Variants in KCNT2 observed in about 807,000 individuals in gnomAD.
KCNT2 encodes potassium sodium-activated channel subfamily T member 2.
A neutral mutation model predicts 153.8 loss-of-function variants in KCNT2; 67 were observed. That is an observed-to-expected ratio of 0.44 (90% CI 0.36 to 0.53). The LOEUF (loss-of-function observed/expected upper bound fraction) is 0.53. Among genes scored for constraint, KCNT2 ranks in the 20% least tolerant of loss-of-function variants. The pLI, the probability that KCNT2 is intolerant of heterozygous loss-of-function variation, is 0.00. For missense variants in KCNT2, 975 were observed against 1,354.8 expected, an observed-to-expected ratio of 0.72 and a Z score of 4.40; for synonymous variants, 500 against 458.8, an observed-to-expected ratio of 1.09 and a Z score of -1.15.
At chr1:196,322,925 A>T (rs1158796428) in intron 19 of KCNT2, among the ~76,000 whole-genome samples, 1 of 151,846 alleles carries the variant, frequency 6.6e-6, no homozygotes, top group African/African-American at 2.4e-5. Flanking sequence ...GAATAGTGAC[A>T]GTGTTATTTT....
chr1:196,345,503 C>G (rs1558174803), intron 14 of KCNT2, among the ~76,000 whole-genome samples: 1 of 152,086 alleles, frequency 6.6e-6, no homozygotes, highest in Non-Finnish European at 1.5e-5. Context: ...GAGGAGGGAT[C>G]ATGTAGGACT....
Position 196,315,947 on chromosome 1 carries a change from C to G in KCNT2, c.2428G>C (p.Glu810Gln). ...TTGGCATCTGCCATGTAGTCTTCCT[C>G]GGCACTCATGGTGCTCTCTTTATCC... ...VVDKESTMSA[E>Q]EDYMADAKTI... The change falls in exon 21 of 28, where the codon GAG (glutamate) becomes CAG (glutamine). Residue 810 changes from glutamate (E) to glutamine (Q), a missense_variant. By Grantham distance (29) the Glu-to-Gln change is conservative (BLOSUM62 2). This residue lies in a region of KCNT2 where 66 missense variants were observed against 147.9 expected (regional missense o/e 0.45). Transcript: ENST00000294725. 6.2e-7 allele frequency: 1 copy of G among 1,610,054 alleles called. No individual in the cohort carries two copies. The highest frequency in any genetic ancestry group is 1.7e-4 in the Middle Eastern group (1 of 6,034).
intron 1 of KCNT2, among the ~76,000 whole-genome samples, chr1:196,573,930 ATACT>A (rs1661061477): frequency 6.6e-6 from 1 of 151,950 alleles, no homozygotes; most frequent in African/African-American, 2.4e-5. Context: ...ATAGTGTCAG[ATACT>A]TAGTTTCTTG....
At chr1:196,368,306 C>A (rs747525430) in intron 14 of KCNT2, among the ~76,000 whole-genome samples, 2 of 152,134 alleles carry the variant, frequency 1.3e-5, no homozygotes, top group Non-Finnish European at 2.9e-5. Flanking sequence ...TCCCTCACTG[C>A]GTTTTCAATC....
chr1:196,545,372 T>C (rs577702525), intron 1 of KCNT2, among the ~76,000 whole-genome samples: 2 of 152,106 alleles, frequency 1.3e-5, no homozygotes, highest in Non-Finnish European at 2.9e-5. Context: ...ATCACCAGTG[T>C]AGAGAAAAAG....
intron 1 of KCNT2, among the ~76,000 whole-genome samples, chr1:196,507,491 G>A (rs1398722100): frequency 1.3e-5 from 2 of 152,180 alleles, no homozygotes; most frequent in Admixed American, 6.5e-5. Context: ...TTATGGGCCA[G>A]TAGAACTAGG....
chr1:196,291,840 C>T (rs1020548997), intron 22 of KCNT2, among the ~76,000 whole-genome samples: 1 of 152,146 alleles, frequency 6.6e-6, no homozygotes, highest in African/African-American at 2.4e-5. Flanking sequence ...TTTTTCACTT[C>T]ACTAATTTAC....
intron 26 of KCNT2, among the ~76,000 whole-genome samples, chr1:196,242,785 A>C (rs1655075960): frequency 6.6e-6 from 1 of 152,152 alleles, no homozygotes; most frequent in Non-Finnish European, 1.5e-5. Flanking sequence ...TATAATACAG[A>C]TCTTCAGAAT....
At chr1:196,391,687 T>C (rs150148664) in intron 13 of KCNT2, among the ~76,000 whole-genome samples, 2 of 151,440 alleles carry the variant, frequency 1.3e-5, no homozygotes, top group African/African-American at 4.8e-5. Flanking sequence ...TTTGCAATAT[T>C]TAAATTTTTA....
chr1:196,581,801 T>C (rs1159987741), intron 1 of KCNT2, among the ~76,000 whole-genome samples: 1 of 149,910 alleles, frequency 6.7e-6, no homozygotes, highest in Non-Finnish European at 1.5e-5. Flanking sequence ...CTTTCTTCCA[T>C]TACTTATGTT....
chr1:196,244,766 G>A (rs890802630), intron 26 of KCNT2, among the ~76,000 whole-genome samples: 1 of 152,158 alleles, frequency 6.6e-6, no homozygotes, highest in Admixed American at 6.5e-5. Context: ...CCCAGAATAA[G>A]CAGGGAACTT....
chr1:196,466,854 T>A (rs1677663643), intron 7 of KCNT2, among the ~76,000 whole-genome samples: 1 of 151,916 alleles, frequency 6.6e-6, no homozygotes, highest in Non-Finnish European at 1.5e-5. Flanking sequence ...GTGGTAAAAA[T>A]GTTTGGGGTT....
At chr1:196,337,722 T>C (rs1479781201) in intron 16 of KCNT2, among the ~76,000 whole-genome samples, 2 of 152,120 alleles carry the variant, frequency 1.3e-5, no homozygotes, top group African/African-American at 2.4e-5. Flanking sequence ...TGCTCAAACA[T>C]CACTTTCTGG....
chr1:196,282,307 A>G lies in KCNT2; in HGVS notation c.2747T>C (p.Leu916Pro). The change falls in exon 24 of 28, where the codon CTG becomes CCG. Residue 916 changes from leucine to proline, a missense_variant. Leu to Pro is a moderately conservative substitution (Grantham distance 98). This residue lies in a region of KCNT2 where 241 missense variants were observed against 271.1 expected (regional missense o/e 0.89). Transcript: ENST00000294725. ...AAACCCAGATCCTGGTGTAGTGTCC[A>G]GTCCCAACAGAAGTCTCGTGATAGA... ...MISITRLLLG[L>P]DTTPGSGFLC... The G allele has an allele frequency of 6.2e-7, 1 of 1,602,868 alleles. No individual in the cohort carries two copies. The highest frequency in any genetic ancestry group is 8.5e-7 in the Non-Finnish European group (1 of 1,170,308).
intron 8 of KCNT2, among the ~76,000 whole-genome samples, chr1:196,464,097 C>T (rs1292585165): frequency 6.6e-6 from 1 of 151,292 alleles, no homozygotes; most frequent in Admixed American, 6.6e-5. Context: ...AAGTACTTTC[C>T]CTTAAGTTAG....
intron 1 of KCNT2, among the ~76,000 whole-genome samples, chr1:196,516,775 A>G (rs969632274): frequency 6.6e-6 from 1 of 152,166 alleles, no homozygotes; most frequent in African/African-American, 2.4e-5. Context: ...TTCCAGAGAG[A>G]TCTGCAGGCT....
intron 22 of KCNT2, among the ~76,000 whole-genome samples, chr1:196,287,559 C>G (rs1365733819): frequency 6.6e-6 from 1 of 152,072 alleles, no homozygotes; most frequent in Non-Finnish European, 1.5e-5. Flanking sequence ...GTGCTTATTC[C>G]TATAGGAAAT....
chr1:196,574,131 T>C (rs1232745956), intron 1 of KCNT2, among the ~76,000 whole-genome samples: 1 of 152,026 alleles, frequency 6.6e-6, no homozygotes, highest in Admixed American at 6.6e-5. Context: ...ATTAATAATA[T>C]TATTTATTCT....
intron 3 of KCNT2, among the ~76,000 whole-genome samples, chr1:196,488,919 G>C (rs1287121993): frequency 1.3e-5 from 2 of 151,944 alleles, no homozygotes; most frequent in Non-Finnish European, 2.9e-5. Flanking sequence ...GAAGTATGTG[G>C]GAGAGCACCC....
Sources: allele counts gnomAD v4.1 joint callset (sites outside exome capture counted in the v4.1 genomes callset), GRCh38; gene constraint gnomAD v4.1.1; regional missense constraint gnomAD v4.1.1; transcripts MANE v1.5; gene names NCBI Gene and HGNC (gene_info 2026-07-23, HGNC 2026-07-21).